Variants in VBP1 observed in about 807,000 individuals in gnomAD.
VBP1 encodes VHL binding protein 1.
VBP1 carries 4 observed loss-of-function variants against 15.5 expected under a neutral mutation model. That is an observed-to-expected ratio of 0.26 (90% confidence interval 0.13 to 0.59). The LOEUF (loss-of-function observed/expected upper bound fraction) is 0.59, where lower values mean the gene tolerates loss of function less well. Ranked by LOEUF, VBP1 falls within the 20% of genes least tolerant of loss-of-function variation. The pLI, the probability that VBP1 is intolerant of heterozygous loss-of-function variation, is 0.90. For synonymous variants in VBP1, 61 were observed against 52.1 expected, an observed-to-expected ratio of 1.17 and a Z score of -0.74; for missense variants, 108 against 139.6, an observed-to-expected ratio of 0.77 and a Z score of 1.14.
chrX:155,204,237 C>G (rs1315691102), intron 1 of VBP1, among the ~76,000 whole-genome samples: 1 of 111,279 alleles, frequency 9.0e-6, no homozygotes, highest in Non-Finnish European at 1.9e-5. Context: ...ACTGCAACCT[C>G]TGCCCCCCGG....
chrX:155,200,484 C>G (rs1453835476), intron 1 of VBP1, among the ~76,000 whole-genome samples: 2 of 111,424 alleles, frequency 1.8e-5, no homozygotes, highest in Admixed American at 9.6e-5. Flanking sequence ...TACATGGAAA[C>G]TGAACAACCT....
chrX:155,204,693 A>C (rs1557307906), intron 1 of VBP1, among the ~76,000 whole-genome samples: 1 of 112,086 alleles, frequency 8.9e-6, no homozygotes, highest in Non-Finnish European at 1.9e-5. Flanking sequence ...AATAGTCAAG[A>C]GAAAGCTGCT....
intron 5 of VBP1, 128 bp from the exon 6 acceptor site, chrX:155,238,644 T>C (rs1234486309): frequency 2.1e-6 from 1 of 471,373 alleles, no homozygotes; most frequent in Non-Finnish European, 3.6e-6. Flanking sequence ...ACAATACTAT[T>C]TGTTACCAGT....
At chrX:155,201,935 CA>C (rs1402103663) in intron 1 of VBP1, among the ~76,000 whole-genome samples, 2 of 111,463 alleles carry the variant, frequency 1.8e-5, no homozygotes, top group African/African-American at 6.6e-5. Flanking sequence ...AATCAATGTG[CA>C]AAAATCACAA....
At chrX:155,215,989 G>A (rs1419463482), upstream of VBP1, among the ~76,000 whole-genome samples, 1 of 111,464 alleles carries the variant, frequency 9.0e-6, no homozygotes, top group Admixed American at 9.5e-5. Context: ...CACAAAGTAA[G>A]TTCCCTTCAA....
chrX:155,224,262 G>A (rs1379635178), intron 2 of VBP1, among the ~76,000 whole-genome samples: 1 of 112,790 alleles, frequency 8.9e-6, no homozygotes, highest in East Asian at 2.8e-4. Flanking sequence ...GCTGGGAGGT[G>A]GAGGTTGTAG....
At chrX:155,212,420 C>G (rs1243603575), upstream of VBP1, among the ~76,000 whole-genome samples, 2 of 111,635 alleles carry the variant, frequency 1.8e-5, no homozygotes, top group African/African-American at 6.5e-5. Context: ...ATCAGGTTTT[C>G]TAAATTGAGA....
chrX:155,227,389 G>T, intron 3 of VBP1, 88 bp downstream of exon 3: 2 of 659,266 alleles, frequency 3.0e-6, no homozygotes, highest in South Asian at 2.9e-5. Context: ...ACTGATATTT[G>T]ATCTGTGCTG....
intron 1 of VBP1, among the ~76,000 whole-genome samples, chrX:155,198,469 C>A (rs1175855657): frequency 8.9e-6 from 1 of 111,885 alleles, no homozygotes; most frequent in East Asian, 2.8e-4. Flanking sequence ...CGCTGTTCTG[C>A]AGCCACTGCT....
intron 4 of VBP1, among the ~76,000 whole-genome samples, chrX:155,230,594 G>A (rs2074741092): frequency 9.0e-6 from 1 of 111,142 alleles, no homozygotes; most frequent in African/African-American, 3.3e-5. Flanking sequence ...CAAAATCTTT[G>A]AATGGTTTCT....
chrX:155,201,845 G>A (rs2074605503), intron 1 of VBP1, among the ~76,000 whole-genome samples: 3 of 111,376 alleles, frequency 2.7e-5, no homozygotes, highest in South Asian at 7.5e-4. Flanking sequence ...TGACATGATT[G>A]TGTATCTAGA....
chrX:155,208,706 G>A (rs782722040), intron 1 of VBP1, among the ~76,000 whole-genome samples: 1 of 111,533 alleles, frequency 9.0e-6, no homozygotes, highest in Non-Finnish European at 1.9e-5. Context: ...ATACATTTTC[G>A]TCTTTTTCTT....
intron 5 of VBP1, among the ~76,000 whole-genome samples, chrX:155,237,334 A>AT (rs2074778762): frequency 9.0e-6 from 1 of 110,976 alleles, no homozygotes; most frequent in African/African-American, 3.3e-5. Flanking sequence ...TTCCCTCATA[A>AT]ATCTCTCTGC....
At chrX:155,231,542 T>C (rs191212298) in intron 4 of VBP1, among the ~76,000 whole-genome samples, 5 of 112,372 alleles carry the variant, frequency 4.4e-5, no homozygotes, top group African/African-American at 1.6e-4. Flanking sequence ...TTTTCTTGGG[T>C]GAATGACATT....
At position 155,228,434 on chromosome X, in the gene VBP1, T is replaced by C. The variant is rs1032666159; in HGVS notation, c.336T>C (p.Tyr112=). 2.5e-6 allele frequency: 3 copies of C among 1,210,336 alleles called. No individual in the cohort carries two copies. In the African/African-American group the frequency reaches 5.2e-5, roughly 21 times the overall value. Residue 112 remains tyrosine (Y), a synonymous_variant, in exon 4 of 6, where the codon TAT becomes TAC. Coordinates refer to ENST00000286428, the MANE Select transcript of VBP1 (RefSeq NM_003372.7). ...ETRFLLADNL[Y]CKASVPPTDK... ...GATTCTTGCTGGCAGATAACCTGTATTGCAAAGCTTCAGTTCCTCCTACCG... is the reference window on the plus strand; with the variant it reads ...GATTCTTGCTGGCAGATAACCTGTACTGCAAAGCTTCAGTTCCTCCTACCG...
intron 1 of VBP1, among the ~76,000 whole-genome samples, chrX:155,203,719 C>G (rs1382066620): frequency 9.1e-6 from 1 of 109,717 alleles, no homozygotes; most frequent in Non-Finnish European, 1.9e-5. Flanking sequence ...TGTAACTAAC[C>G]TGCACATTGT....
intron 1 of VBP1, among the ~76,000 whole-genome samples, chrX:155,203,123 A>T (rs2124039040): frequency 8.9e-6 from 1 of 111,791 alleles, no homozygotes; most frequent in Non-Finnish European, 1.9e-5. Flanking sequence ...GGTGCTGGAG[A>T]GGATGTGGAG....
At chrX:155,200,274 A>G (rs1213070865) in intron 1 of VBP1, among the ~76,000 whole-genome samples, 86 of 106,700 alleles carry the variant, frequency 8.1e-4, no homozygotes, top group Non-Finnish European at 1.4e-3. Flanking sequence ...AGACATCTAC[A>G]GAACTCTCCA....
intron 4 of VBP1, among the ~76,000 whole-genome samples, chrX:155,229,887 C>A (rs1439218022): frequency 1.8e-5 from 2 of 111,930 alleles, no homozygotes; most frequent in Non-Finnish European, 3.8e-5. Flanking sequence ...AGTCCTTCAG[C>A]AAACCCCACT....
Sources: gnomAD v4.1 joint callset for allele counts (sites outside exome capture counted in the v4.1 genomes callset) on GRCh38, gnomAD v4.1.1 for gene constraint, MANE v1.5 for transcripts, NCBI Gene and HGNC (gene_info 2026-07-23, HGNC 2026-07-21) for gene names.